PKIB: variants seen among roughly 807,000 people sequenced by gnomAD.
The protein encoded by PKIB is PKI-beta.
A neutral mutation model predicts 4.5 loss-of-function variants in PKIB; 2 were observed. The observed-to-expected ratio is 0.44, with a 90% CI of 0.18 to 1.39. The LOEUF is 1.39. Ranked by LOEUF, PKIB falls within the 40% of genes most tolerant of loss-of-function variation. PKIB has a pLI of 0.27. For missense variants in PKIB, 94 were observed against 92.6 expected, an observed-to-expected ratio of 1.02 and a Z score of -0.06; for synonymous variants, 38 against 36.0, an observed-to-expected ratio of 1.06 and a Z score of -0.20.
At chr6:122,580,047 T>A (rs1253901936) in intron 2 of PKIB, among the ~76,000 whole-genome samples, 1 of 152,178 alleles carries the variant, frequency 6.6e-6, no homozygotes, top group Non-Finnish European at 1.5e-5. Context: ...TAAAAAATTA[T>A]GTTCAGTGAA....
intron 3 of PKIB, among the ~76,000 whole-genome samples, chr6:122,712,644 A>G (rs577604759): frequency 2.6e-5 from 4 of 152,258 alleles, no homozygotes; most frequent in Admixed American, 1.3e-4. Context: ...TTTTTCAGAA[A>G]GTCTGACTCA....
chr6:122,471,952 C>T (rs1000601106), exon 1 of PKIB: 32 of 1,128,222 alleles, frequency 2.8e-5, no homozygotes, highest in Middle Eastern at 2.3e-4. Context: ...ACACGGCTGT[C>T]TTCTTTCCTG....
intron 2 of PKIB, among the ~76,000 whole-genome samples, chr6:122,558,734 T>C (rs1164949619): frequency 1.3e-5 from 2 of 152,160 alleles, no homozygotes; most frequent in African/African-American, 4.8e-5. Flanking sequence ...TTAAATTTTA[T>C]TTTTTAATCA....
chr6:122,661,089 A>G (rs1035067409), intron 2 of PKIB, among the ~76,000 whole-genome samples: 3 of 152,318 alleles, frequency 2.0e-5, no homozygotes, highest in African/African-American at 4.8e-5. Flanking sequence ...TCAAAATGCT[A>G]CAAGAATAAA....
chr6:122,640,829 A>G (rs1242536305), intron 2 of PKIB, among the ~76,000 whole-genome samples: 4 of 152,214 alleles, frequency 2.6e-5, no homozygotes, highest in African/African-American at 7.2e-5. Flanking sequence ...AAATATTTCA[A>G]TACTGTGAGC....
chr6:122,552,846 G>A (rs1772718543), intron 2 of PKIB, among the ~76,000 whole-genome samples: 1 of 152,180 alleles, frequency 6.6e-6, no homozygotes, highest in Admixed American at 6.5e-5. Flanking sequence ...AACAAGGTCT[G>A]GATCTCAGTC....
intron 2 of PKIB, among the ~76,000 whole-genome samples, chr6:122,553,791 A>G (rs1772760546): frequency 6.6e-6 from 1 of 152,144 alleles, no homozygotes; most frequent in Admixed American, 6.5e-5. Context: ...ATTTCAGGAA[A>G]GGGAAAAAGA....
intron 4 of PKIB, among the ~76,000 whole-genome samples, chr6:122,719,839 ACAT>A (rs748148034): frequency 2.6e-5 from 4 of 152,144 alleles, no homozygotes; most frequent in Non-Finnish European, 5.9e-5. Flanking sequence ...ATGTATCAAA[ACAT>A]CATGTTGCAC....
chr6:122,570,360 A>G (rs1447395916), intron 2 of PKIB, among the ~76,000 whole-genome samples: 2 of 152,194 alleles, frequency 1.3e-5, no homozygotes, highest in African/African-American at 4.8e-5. Flanking sequence ...ACCATTGGGT[A>G]TTACATCTAC....
intron 2 of PKIB, among the ~76,000 whole-genome samples, chr6:122,570,831 A>G (rs535211431): frequency 1.3e-5 from 2 of 152,224 alleles, no homozygotes; most frequent in Non-Finnish European, 2.9e-5. Context: ...AATTCTGGTA[A>G]TATGACAAAA....
chr6:122,686,115 A>G lies in PKIB; in HGVS notation c.-9+10971A>G, dbSNP rs140936115. 1.2e-3 allele frequency among the ~76,000 whole-genome samples: 182 copies of G among 152,356 alleles called. 4 individuals carry two copies. In the East Asian group the frequency reaches 0.019, roughly 16 times the overall value. On this transcript the variant is annotated intron_variant, in intron 3 of 4. Coordinates refer to ENST00000368452, the MANE Select transcript of PKIB (RefSeq NM_181795.3). ...TATTGTGAATAATGCTGCAGTCAACATGGAAGTGCAGACCTCTTTGATATA... is the reference window on the plus strand; with the variant it reads ...TATTGTGAATAATGCTGCAGTCAACGTGGAAGTGCAGACCTCTTTGATATA...
intron 2 of PKIB, among the ~76,000 whole-genome samples, chr6:122,484,952 T>TA (rs1288075674): frequency 6.6e-6 from 1 of 152,204 alleles, no homozygotes; most frequent in East Asian, 1.9e-4. Context: ...CAACCACTCT[T>TA]ACACTGCCTC....
chr6:122,539,010 C>G lies in PKIB; in HGVS notation c.-247-46911C>G, dbSNP rs893128960. ...CTGTTATTGGTGTATAAGAATGCTT[C>G]TGATTTTTGTACATTGATTTTGTAT... is the stretch of plus-strand genomic sequence containing the variant. On this transcript the variant is annotated intron_variant, in intron 2 of 6. Transcript: ENST00000392491. Among the ~76,000 whole-genome samples the G allele has an allele frequency of 2.4e-4, 36 of 152,036 alleles. No individual in the cohort carries two copies. The East Asian group carries it at 3.9e-3, about 16-fold the overall frequency.
intron 2 of PKIB, among the ~76,000 whole-genome samples, chr6:122,583,490 T>A (rs1213089443): frequency 6.6e-6 from 1 of 152,110 alleles, no homozygotes; most frequent in African/African-American, 2.4e-5. Flanking sequence ...CTTTCTGAAA[T>A]ACCTCTTTAG....
At chr6:122,610,806 C>T (rs972001961) in intron 1 of PKIB, among the ~76,000 whole-genome samples, 7 of 152,218 alleles carry the variant, frequency 4.6e-5, no homozygotes, top group Non-Finnish European at 1.0e-4. Flanking sequence ...AGGTCTGTCA[C>T]CTGCCTTTTG....
intron 3 of PKIB, among the ~76,000 whole-genome samples, chr6:122,703,031 T>C (rs921600576): frequency 1.4e-4 from 21 of 152,174 alleles, no homozygotes; most frequent in Admixed American, 1.3e-4. Context: ...TTTAAAGCCA[T>C]AATTGTGCAA....
chr6:122,479,297 T>C (rs1775536779), intron 2 of PKIB: 1 of 152,102 alleles, frequency 6.6e-6, no homozygotes, highest in African/African-American at 2.4e-5. Context: ...AAAGCAGTAA[T>C]AAGCAACTTA....
At chr6:122,584,619 T>G (rs1334907501) in intron 2 of PKIB, among the ~76,000 whole-genome samples, 1 of 152,172 alleles carries the variant, frequency 6.6e-6, no homozygotes, top group Non-Finnish European at 1.5e-5. Context: ...AATACAGTTT[T>G]AATGAACAGA....
At chr6:122,517,300 T>C (rs1776790591) in intron 2 of PKIB, among the ~76,000 whole-genome samples, 1 of 152,188 alleles carries the variant, frequency 6.6e-6, no homozygotes, top group Admixed American at 6.5e-5. Flanking sequence ...TAACTAATAT[T>C]TTGACTTATA....
Sources: allele counts gnomAD v4.1 joint callset (sites outside exome capture counted in the v4.1 genomes callset), GRCh38; gene constraint gnomAD v4.1.1; transcripts MANE v1.5; gene names NCBI Gene and HGNC (gene_info 2026-07-23, HGNC 2026-07-21).